ARHGAP35: variants seen among roughly 807,000 people sequenced by gnomAD.
ARHGAP35 encodes the protein Rho GTPase activating protein 35.
Under a neutral mutation model 111.1 loss-of-function variants are expected in ARHGAP35, and 15 were observed. The observed-to-expected ratio is 0.13, with a 90% confidence interval of 0.09 to 0.21. ARHGAP35 has a LOEUF of 0.21. Ranked by LOEUF, ARHGAP35 falls within the 10% of genes least tolerant of loss-of-function variation. The pLI, the probability that ARHGAP35 is intolerant of heterozygous loss-of-function variation, is 1.00. For synonymous variants in ARHGAP35, 643 were observed against 710.3 expected, an observed-to-expected ratio of 0.91 and a Z score of 1.51; for missense variants, 1,262 against 1,873.0, an observed-to-expected ratio of 0.67 and a Z score of 6.02.
At chr19:46,905,464 C>T (rs1013256727) in intron 1 of ARHGAP35, among the ~76,000 whole-genome samples, 9 of 151,780 alleles carry the variant, frequency 5.9e-5, no homozygotes, top group African/African-American at 1.9e-4. Flanking sequence ...CCACCTCTGC[C>T]GCCGGGGTTC....
In ARHGAP35 at chr19:46,921,447, T is replaced by C; in HGVS notation, c.2772T>C (p.Cys924=). 1 of 1,613,968 alleles carries C rather than the reference T, an allele frequency of 6.2e-7. No individual in the cohort carries two copies. The highest frequency in any genetic ancestry group is 8.5e-7 in the Non-Finnish European group (1 of 1,179,878). The part of the protein sequence containing the change: ...EIDGRFTSIP[C]SQPQHKLEIF... Reference sequence around the variant, plus strand: ...ACGGAAGGTTCACAAGCATCCCCTGTAGCCAACCCCAGCATAAACTTGAGA... The same window carrying C: ...ACGGAAGGTTCACAAGCATCCCCTGCAGCCAACCCCAGCATAAACTTGAGA... The change falls in exon 2 of 7, where the codon TGT becomes TGC. Residue 924 remains cysteine (C), a synonymous_variant. Coordinates refer to ENST00000672722, the MANE Select transcript of ARHGAP35 (RefSeq NM_004491.5). The surrounding 1 kb of genome is among the most constrained non-coding windows in gnomAD (Gnocchi z 4.3).
rs913978217 is a variant in ARHGAP35 at position 47,003,408 on chromosome 19, A to T, written c.*2720A>T. 1 of 152,366 alleles carries T rather than the reference A, an allele frequency of 6.6e-6. No homozygotes were observed. The highest frequency in any genetic ancestry group is 1.5e-5 in the Non-Finnish European group (1 of 68,130). 9.4% of individuals were successfully genotyped at this position (152,366 alleles called of 1,614,324 possible). On this transcript the variant is annotated 3_prime_UTR_variant, in exon 7 of 7. Transcript: ENST00000672722. Reference sequence around the variant, plus strand: ...GGACGTGGGGCAGCCACCCCTGCCCAGCGAGAGCGCAGACACCGTGTGAGG... The same window carrying T: ...GGACGTGGGGCAGCCACCCCTGCCCTGCGAGAGCGCAGACACCGTGTGAGG...
intron 1 of ARHGAP35, among the ~76,000 whole-genome samples, chr19:46,911,508 ACT>A (rs2056137733): frequency 6.6e-6 from 1 of 152,182 alleles, no homozygotes; most frequent in African/African-American, 2.4e-5. Context: ...AATGATTAAC[ACT>A]CTGAAATATG....
chr19:46,893,868 C>T (rs372092299), intron 1 of ARHGAP35, among the ~76,000 whole-genome samples: 13 of 143,670 alleles, frequency 9.0e-5, no homozygotes, highest in African/African-American at 3.3e-4. Context: ...AACATAAGTT[C>T]GTTCGTTCGT....
intron 1 of ARHGAP35, among the ~76,000 whole-genome samples, chr19:46,899,159 G>A (rs2056071818): frequency 6.6e-6 from 1 of 152,172 alleles, no homozygotes; most frequent in Non-Finnish European, 1.5e-5. Flanking sequence ...TCTCATAACG[G>A]AGATGGGCAG....
At chr19:46,970,758 C>T (rs1415845420) in intron 3 of ARHGAP35, among the ~76,000 whole-genome samples, 8 of 152,132 alleles carry the variant, frequency 5.3e-5, no homozygotes, top group Admixed American at 5.2e-4. Flanking sequence ...GTAGAGCCTA[C>T]AAAAGGAGGT....
In ARHGAP35 at chr19:46,999,096, G is replaced by C. The variant is rs997492896; in HGVS notation, c.4037-208G>C. The C allele has an allele frequency of 3.5e-6, 2 of 566,268 alleles. No homozygotes were observed. Among genetic ancestry groups the C allele is most frequent in the East Asian group, 2.8e-5 (1 of 35,544 alleles). The allele number at this position is 566,268 out of a possible 1,614,324, so 35.1% of individuals were successfully genotyped here. On this transcript the variant is annotated intron_variant, in intron 5 of 6. Coordinates refer to ENST00000672722, the MANE Select transcript of ARHGAP35 (RefSeq NM_004491.5). The surrounding 1 kb of genome is among the most constrained non-coding windows in gnomAD (Gnocchi z 5.4). ...CACACAGTGCCGCCCTTCAGCGGGGGCCTGGGACACAGAGGTGGGCCAGAC... is the reference window on the plus strand; with the variant it reads ...CACACAGTGCCGCCCTTCAGCGGGGCCCTGGGACACAGAGGTGGGCCAGAC...
intron 1 of ARHGAP35, among the ~76,000 whole-genome samples, chr19:46,902,310 T>TA (rs1300063062): frequency 6.6e-6 from 1 of 152,212 alleles, no homozygotes; most frequent in Non-Finnish European, 1.5e-5. Flanking sequence ...TATGGAATGA[T>TA]ACAGGTTTAT....
Position 46,897,060 on chromosome 19 carries a change from A to ATT in ARHGAP35, c.-188-21410_-188-21409dup, listed in dbSNP as rs61692635. Among the ~76,000 whole-genome samples, 593 of 133,622 alleles carry ATT rather than the reference A, an allele frequency of 4.4e-3. 4 individuals are homozygous for ATT. Among genetic ancestry groups the ATT allele is most frequent in the Middle Eastern group, 0.019 (5 of 258 alleles). The allele number at this position is 133,622 out of a possible 152,430, so 87.7% of individuals were successfully genotyped here. On this transcript the variant is annotated intron_variant, in intron 1 of 6. Transcript: ENST00000672722. ...AAGCGCATGCCACCACACCTGGCTA[A>ATT]TTTTTTTTTTTTTTTTTTTGGTAGA...
Position 46,961,827 on chromosome 19 carries a change from G to T in ARHGAP35, c.3826+24419G>T, listed in dbSNP as rs187458027. 5.9e-5 allele frequency among the ~76,000 whole-genome samples: 9 copies of T among 152,296 alleles called. 1 individual carries two copies. Among genetic ancestry groups the T allele is most frequent in the African/African-American group, 2.2e-4 (9 of 41,556 alleles). On this transcript the variant is annotated intron_variant, in intron 3 of 6. Transcript: ENST00000672722. ...CACCTGTAGTCCCAACTACTCGGGA[G>T]GCTGAGGCAGGAGAATTGCTTGAAT...
chr19:46,997,449 G>T (rs2056717456), intron 5 of ARHGAP35: 1 of 152,150 alleles, frequency 6.6e-6, no homozygotes, highest in African/African-American at 2.4e-5. Context: ...CTGGCTCCCA[G>T]GTGCCCTTAT....
At position 46,937,393 on chromosome 19, in the gene ARHGAP35, T is replaced by G; in HGVS notation, c.3811T>G (p.Tyr1271Asp). 6.2e-7 allele frequency: 1 copy of G among 1,613,918 alleles called. No individual in the cohort carries two copies. The highest frequency in any genetic ancestry group is 8.5e-7 in the Non-Finnish European group (1 of 1,179,856). The stretch of plus-strand genomic sequence containing the variant: ...CATTTTTATTGAAAGATGTATTGAG[T>G]ACATTGAAGCCACAGGTAAGAGTAT... ...IPIFIERCIEYIEATGLSTEG... is the reference protein window; with the variant it reads ...IPIFIERCIEDIEATGLSTEG... Residue 1271 changes from tyrosine (Y) to aspartate (D), a missense_variant, in exon 3 of 7, where the codon TAC (tyrosine) becomes GAC (aspartate). Transcript: ENST00000672722.
At chr19:46,959,083 T>G (rs1242660937) in intron 3 of ARHGAP35, among the ~76,000 whole-genome samples, 2 of 152,128 alleles carry the variant, frequency 1.3e-5, no homozygotes, top group South Asian at 4.1e-4. Flanking sequence ...AAAAAAAAAT[T>G]TATTTATTTA....
intron 3 of ARHGAP35, among the ~76,000 whole-genome samples, chr19:46,974,895 G>A (rs568011634): frequency 2.4e-4 from 37 of 152,050 alleles, no homozygotes; most frequent in African/African-American, 8.7e-4. Context: ...GTTCTGAGAC[G>A]GAGTCTCTCA....
At chr19:46,889,528 G>A (rs942382478) in intron 1 of ARHGAP35, among the ~76,000 whole-genome samples, 4 of 152,112 alleles carry the variant, frequency 2.6e-5, no homozygotes, top group African/African-American at 9.7e-5. Flanking sequence ...TATATAAAAT[G>A]TGCACCGCCT....
intron 5 of ARHGAP35, among the ~76,000 whole-genome samples, chr19:46,997,039 C>A (rs905296684): frequency 6.6e-6 from 1 of 152,120 alleles, no homozygotes; most frequent in Admixed American, 6.6e-5. Context: ...CACCTGTAAT[C>A]CCAGCTACTT....
intron 3 of ARHGAP35, among the ~76,000 whole-genome samples, chr19:46,964,074 G>A (rs2056499825): frequency 6.6e-6 from 1 of 151,766 alleles, no homozygotes; most frequent in Non-Finnish European, 1.5e-5. Flanking sequence ...CACCATGTTG[G>A]CCAAGCTGGT....
intron 1 of ARHGAP35, among the ~76,000 whole-genome samples, chr19:46,864,915 A>C (rs1484508917): frequency 1.3e-5 from 2 of 152,264 alleles, no homozygotes; most frequent in Non-Finnish European, 2.9e-5. Context: ...TGTATGCAGT[A>C]CTGCTTAAAT....
intron 1 of ARHGAP35, among the ~76,000 whole-genome samples, chr19:46,878,991 C>G (rs1053307047): frequency 2.0e-5 from 3 of 152,302 alleles, no homozygotes; most frequent in African/African-American, 7.2e-5. Flanking sequence ...GTATAGCATG[C>G]AATGCTGTTT....
Sources: gnomAD v4.1 joint callset for allele counts (sites outside exome capture counted in the v4.1 genomes callset) on GRCh38, gnomAD v4.1.1 for gene constraint, Gnocchi (gnomAD v3.1) non-coding constraint, MANE v1.5 for transcripts, NCBI Gene and HGNC (gene_info 2026-07-23, HGNC 2026-07-21) for gene names.